H2BC15: variants seen among roughly 807,000 people sequenced by gnomAD.
H2BC15 encodes histone H2B type 1-N.
A neutral mutation model predicts 6.6 loss-of-function variants in H2BC15; 5 were observed. The observed-to-expected ratio is 0.75, with a 90% CI of 0.39 to 1.59. H2BC15 has a LOEUF of 1.59. Ranked by LOEUF, H2BC15 falls within the 40% of genes most tolerant of loss-of-function variation. H2BC15 has a pLI of 0.02. For missense variants in H2BC15, 148 were observed against 169.4 expected (o/e 0.87, Z 0.70); for synonymous variants, 87 against 75.2 (o/e 1.16, Z -0.81).
chr6:27,839,047 G>T lies in H2BC15; in HGVS notation c.*5G>T. ...AAGTACACCAGTTCCAAGTGAGCCC[G>T]CCCACCGCGGAACGTTCGGTCAGTC... is the stretch of plus-strand genomic sequence containing the variant. On this transcript the variant is annotated 3_prime_UTR_variant, in exon 1 of 1. Transcript: ENST00000612898. The T allele has an allele frequency of 1.2e-6, 2 of 1,613,398 alleles. No individual in the cohort carries two copies. Among genetic ancestry groups the T allele is most frequent in the Non-Finnish European group, 1.7e-6 (2 of 1,179,530 alleles).
Sources: gnomAD v4.1 joint callset for allele counts on GRCh38, gnomAD v4.1.1 for gene constraint, MANE v1.5 for transcripts, NCBI Gene and HGNC (gene_info 2026-07-23, HGNC 2026-07-21) for gene names.